The following KLF7 variants were observed in gnomAD, a reference collection of about 807,000 sequenced individuals.
KLF7 encodes KLF transcription factor 7.
Under a neutral mutation model 27.3 loss-of-function variants are expected in KLF7, and 2 were observed. The ratio of observed to expected loss-of-function variants is 0.07; its 90% CI spans 0.03 to 0.23. KLF7 has a LOEUF of 0.23. Ranked by LOEUF, KLF7 falls within the 10% of genes least tolerant of loss-of-function variation. The pLI is 1.00. For synonymous variants in KLF7, 165 were observed against 162.4 expected (o/e 1.02, Z -0.12); for missense variants, 221 against 394.1 (o/e 0.56, Z 3.72).
chr2:207,123,373 T>C (rs2077391064), intron 2 of KLF7, among the ~76,000 whole-genome samples: 1 of 152,196 alleles, frequency 6.6e-6, no homozygotes, highest in African/African-American at 2.4e-5. Flanking sequence ...CCTAGCTACC[T>C]TGTTTAACTG....
At chr2:207,108,491 G>A (rs2076941272) in intron 2 of KLF7, among the ~76,000 whole-genome samples, 1 of 152,134 alleles carries the variant, frequency 6.6e-6, no homozygotes, top group Non-Finnish European at 1.5e-5. Flanking sequence ...AGCCCTCAGG[G>A]GTAATGTGTG....
Position 207,155,207 on chromosome 2 carries a change from T to C in KLF7, c.102+10260A>G, listed in dbSNP as rs533284150. Among the ~76,000 whole-genome samples, 8 of 152,310 alleles carry C rather than the reference T, an allele frequency of 5.3e-5. No individual in the cohort carries two copies. The South Asian group carries it at 6.2e-4, about 12-fold the overall frequency. ...TTCATAGAGCTGTTGTGAGCATTCATTGAAATGATGGATACAGGTGCTCAA... is the reference window on the plus strand; with the variant it reads ...TTCATAGAGCTGTTGTGAGCATTCACTGAAATGATGGATACAGGTGCTCAA... On this transcript the variant is annotated intron_variant, in intron 1 of 3. Transcript: ENST00000309446.
At position 207,128,939 on chromosome 2, in the gene KLF7, A is replaced by T. The variant is rs2077550665; in HGVS notation, c.103-4535T>A. Among the ~76,000 whole-genome samples the T allele has an allele frequency of 2.0e-5, 3 of 151,918 alleles. No homozygotes were observed. The South Asian group carries it at 6.2e-4, about 31-fold the overall frequency. On this transcript the variant is annotated intron_variant, in intron 1 of 3. Coordinates refer to ENST00000309446, the MANE Select transcript of KLF7 (RefSeq NM_003709.4). ...CCAGTAAAAGGACTGGTGGAAAAAA[A>T]TAATGTAATTCAAAGGAAGTGTTTA...
At chr2:207,102,125 T>TAC (rs1553522202) in intron 2 of KLF7, among the ~76,000 whole-genome samples, 15,407 of 121,152 alleles carry the variant, frequency 0.13, 853 homozygotes, top group African/African-American at 0.17. Flanking sequence ...TACATTCACA[T>TAC]TCACACACAC....
At chr2:207,159,920 T>C (rs1402820543) in intron 1 of KLF7, among the ~76,000 whole-genome samples, 5 of 152,068 alleles carry the variant, frequency 3.3e-5, no homozygotes, top group Non-Finnish European at 7.4e-5. Context: ...GTAGAAATAA[T>C]TCTGCCAATT....
chr2:207,171,015 GTAAAT>G (rs971918583), upstream of KLF7, among the ~76,000 whole-genome samples: 1 of 150,258 alleles, frequency 6.7e-6, no homozygotes, highest in Non-Finnish European at 1.5e-5. Flanking sequence ...TCTGGGCAAA[GTAAAT>G]TAACAACCTT....
chr2:207,129,287 T>C (rs1451308667), intron 1 of KLF7, among the ~76,000 whole-genome samples: 1 of 152,182 alleles, frequency 6.6e-6, no homozygotes, highest in African/African-American at 2.4e-5. Flanking sequence ...TGACACAAAT[T>C]ATGCCTGTCT....
intron 1 of KLF7, among the ~76,000 whole-genome samples, chr2:207,128,074 C>T (rs541126676): frequency 3.3e-5 from 5 of 152,174 alleles, no homozygotes; most frequent in African/African-American, 1.2e-4. Flanking sequence ...TATCATTATC[C>T]AATAAAGGGA....
intron 1 of KLF7, among the ~76,000 whole-genome samples, chr2:207,147,025 G>C (rs572760523): frequency 6.6e-6 from 1 of 152,218 alleles, no homozygotes; most frequent in African/African-American, 2.4e-5. Context: ...TTGCCAATTG[G>C]GTATAAATCC....
Position 207,080,888 on chromosome 2 carries a change from T to C in KLF7, c.*325A>G. On this transcript the variant is annotated 3_prime_UTR_variant, in exon 4 of 4. Transcript: ENST00000309446. ...GATTTCCATTGGCAACAGCGGGAAA[T>C]AATTCCAATAGTGCTGAAGTAAGCA... 1 of 413,462 alleles carries C rather than the reference T, an allele frequency of 2.4e-6. No individual in the cohort carries two copies. The highest frequency in any genetic ancestry group is 4.3e-6 in the Non-Finnish European group (1 of 234,592). The allele number at this position is 413,462 out of a possible 1,614,324, so 25.6% of individuals were successfully genotyped here. A position where few individuals can be genotyped will look rare whatever the true frequency, so the allele number is the denominator to read the frequency against.
intron 2 of KLF7, among the ~76,000 whole-genome samples, chr2:207,113,744 T>C (rs1490103899): frequency 6.6e-6 from 1 of 152,196 alleles, no homozygotes; most frequent in East Asian, 1.9e-4. Context: ...TGTGGTTTCC[T>C]AGTAACAAGA....
intron 1 of KLF7, among the ~76,000 whole-genome samples, chr2:207,154,262 C>A (rs1574580054): frequency 6.6e-6 from 1 of 152,050 alleles, no homozygotes; most frequent in African/African-American, 2.4e-5. Flanking sequence ...GGTGTAGTAA[C>A]CGGCACTGTA....
At chr2:207,173,759 C>A in the KLF7 span, 1 of 152,142 alleles carries the variant, frequency 6.6e-6, no homozygotes, top group Admixed American at 6.5e-5. Flanking sequence ...TTGCTGCTTC[C>A]TTCTAACTCA....
At chr2:207,132,581 G>A (rs1398944483) in intron 1 of KLF7, among the ~76,000 whole-genome samples, 1 of 152,116 alleles carries the variant, frequency 6.6e-6, no homozygotes, top group African/African-American at 2.4e-5. Flanking sequence ...CTGGGGAGAG[G>A]GTGATGTCTT....
intron 1 of KLF7, among the ~76,000 whole-genome samples, chr2:207,158,634 G>A (rs554366267): frequency 6.6e-6 from 1 of 152,024 alleles, no homozygotes; most frequent in Non-Finnish European, 1.5e-5. Context: ...TATAAGACTC[G>A]AGTTATAATC....
upstream of KLF7, among the ~76,000 whole-genome samples, chr2:207,171,251 C>A (rs1302470462): frequency 6.6e-6 from 1 of 151,862 alleles, no homozygotes; most frequent in African/African-American, 2.4e-5. Context: ...AAAAATGCTG[C>A]AATCTCATGA....
chr2:207,108,511 C>CA (rs1277556903), intron 2 of KLF7, among the ~76,000 whole-genome samples: 1 of 152,236 alleles, frequency 6.6e-6, no homozygotes, highest in East Asian at 1.9e-4. Context: ...GTTATTCCTT[C>CA]AGCCTTCCAG....
At chr2:207,136,604 CT>C (rs1287169240) in intron 1 of KLF7, among the ~76,000 whole-genome samples, 1 of 152,152 alleles carries the variant, frequency 6.6e-6, no homozygotes, top group Non-Finnish European at 1.5e-5. Context: ...CTGGAAAGGT[CT>C]AAATTATTTG....
intron 1 of KLF7, among the ~76,000 whole-genome samples, chr2:207,126,175 C>A (rs1489064897): frequency 6.6e-6 from 1 of 152,160 alleles, no homozygotes; most frequent in Non-Finnish European, 1.5e-5. Context: ...AACTCCACTT[C>A]TCAAAAATTT....
Sources: gnomAD v4.1 joint callset for allele counts (sites outside exome capture counted in the v4.1 genomes callset) on GRCh38, gnomAD v4.1.1 for gene constraint, MANE v1.5 for transcripts, NCBI Gene and HGNC (gene_info 2026-07-23, HGNC 2026-07-21) for gene names.